The following MAPK8IP1 variants were observed in gnomAD, a reference collection of about 807,000 sequenced individuals.
MAPK8IP1 encodes mitogen-activated protein kinase 8 interacting protein 1.
In MAPK8IP1, 17 loss-of-function variants were observed where a neutral mutation model predicts 72.6. The observed-to-expected ratio is 0.23, with a 90% CI of 0.16 to 0.35. The LOEUF (loss-of-function observed/expected upper bound fraction) is 0.35. Among genes scored for constraint, MAPK8IP1 ranks in the 10% least tolerant of loss-of-function variants. The pLI is 1.00. For missense variants in MAPK8IP1, 789 were observed against 1,009.7 expected (o/e 0.78, Z 2.96); for synonymous variants, 401 against 443.4 (o/e 0.90, Z 1.20).
At position 45,903,321 on chromosome 11, in the gene MAPK8IP1, T is replaced by A; in HGVS notation, c.1418-44T>A. Reference sequence around the variant, plus strand: ...TTCTACCTGCCCCGCTAAACCTGGATCAGAGCTGCGACCCCCCATCCAGCC... The same window carrying A: ...TTCTACCTGCCCCGCTAAACCTGGAACAGAGCTGCGACCCCCCATCCAGCC... On this transcript the variant is annotated intron_variant, in intron 5 of 11. Coordinates refer to ENST00000241014, the MANE Select transcript of MAPK8IP1 (RefSeq NM_005456.4). This position sits in a 1 kb window ranked among gnomAD's most constrained non-coding sequence, Gnocchi z 6.4. 6.2e-7 allele frequency: 1 copy of A among 1,605,560 alleles called. No homozygotes were observed. The highest frequency in any genetic ancestry group is 1.1e-5 in the South Asian group (1 of 90,804).
rs2086521518 is a variant in MAPK8IP1, at chr11:45,885,765, A to AGCC, written c.-49_-47dup. On this transcript the variant is annotated 5_prime_UTR_variant, in exon 1 of 12. Coordinates refer to ENST00000241014, the MANE Select transcript of MAPK8IP1 (RefSeq NM_005456.4). ...CTCGCCGCGCCTCCGCCTCCTTCGC[A>AGCC]GCCGCCGCCTCCTCCGCGCCGCGCT... The AGCC allele has an allele frequency of 1.9e-6, 2 of 1,080,344 alleles. No homozygotes were observed. The highest frequency in any genetic ancestry group is 2.4e-6 in the Non-Finnish European group (2 of 823,410). 66.9% of individuals were successfully genotyped at this position (1,080,344 alleles called of 1,614,324 possible).
rs757386461 is a variant in MAPK8IP1 at position 45,902,906 on chromosome 11, A to C, written c.1139A>C (p.Lys380Thr). 6.2e-7 allele frequency: 1 copy of C among 1,608,534 alleles called. No homozygotes were observed. Among genetic ancestry groups the C allele is most frequent in the Non-Finnish European group, 8.5e-7 (1 of 1,178,052 alleles). Residue 380 changes from lysine to threonine, a missense_variant, in exon 5 of 12, where the codon AAG becomes ACG. Lys to Thr is a moderately conservative substitution (Grantham distance 78). Coordinates refer to ENST00000241014, the MANE Select transcript of MAPK8IP1 (RefSeq NM_005456.4). The surrounding 1 kb of genome is among the most constrained non-coding windows in gnomAD (Gnocchi z 9.3). Reference sequence around the variant, plus strand: ...AGCGCCCTGTCCTATGACTCTGTCAAGTACACGCTGGTGGTAGATGAGCAT... The same window carrying C: ...AGCGCCCTGTCCTATGACTCTGTCACGTACACGCTGGTGGTAGATGAGCAT... The part of the protein sequence containing the change: ...DTSALSYDSV[K>T]YTLVVDEHAQ...
In MAPK8IP1 at chr11:45,903,115, G is replaced by A. The variant is rs778485054; in HGVS notation, c.1348G>A (p.Asp450Asn). 9 of 1,609,678 alleles carry A rather than the reference G, an allele frequency of 5.6e-6. No homozygotes were observed. The highest frequency in any genetic ancestry group is 5.9e-6 in the Non-Finnish European group (7 of 1,178,696). The change falls in exon 5 of 12, where the codon GAT (aspartate) becomes AAT (asparagine). Residue 450 changes from aspartate to asparagine, a missense_variant. Coordinates refer to ENST00000241014, the MANE Select transcript of MAPK8IP1 (RefSeq NM_005456.4). The surrounding 1 kb of genome is among the most constrained non-coding windows in gnomAD (Gnocchi z 6.4). ...PACLSEDSTPDEPDVHFSKKF... is the reference protein window; with the variant it reads ...PACLSEDSTPNEPDVHFSKKF... ...CTGCCTCTCCGAGGACTCCACGCCT[G>A]ATGAACCCGACGTCCATTTCTCCAA...
chr11:45,899,684 C>T (rs2086634479), intron 2 of MAPK8IP1, among the ~76,000 whole-genome samples: 1 of 152,158 alleles, frequency 6.6e-6, no homozygotes, highest in Admixed American at 6.5e-5. Context: ...AGGTCTCCGC[C>T]GTTCCTTGCT....
chr11:45,896,373 T>A (rs1259824300), intron 1 of MAPK8IP1, among the ~76,000 whole-genome samples: 1 of 152,240 alleles, frequency 6.6e-6, no homozygotes, highest in Admixed American at 6.5e-5. Flanking sequence ...GAAGCCCCCC[T>A]TCATCTCCCA....
At chr11:45,892,301 G>A (rs536359900) in intron 1 of MAPK8IP1, among the ~76,000 whole-genome samples, 2 of 152,180 alleles carry the variant, frequency 1.3e-5, no homozygotes, top group Non-Finnish European at 2.9e-5. Context: ...TGGTGTAGGT[G>A]GGGACACAGG....
chr11:45,887,722 G>A (rs1236444908), intron 1 of MAPK8IP1, among the ~76,000 whole-genome samples: 1 of 152,240 alleles, frequency 6.6e-6, no homozygotes, highest in Non-Finnish European at 1.5e-5. Context: ...TGGGACAAGG[G>A]TGGCAGTAGG....
At chr11:45,887,751 G>T (rs1433429214) in intron 1 of MAPK8IP1, among the ~76,000 whole-genome samples, 1 of 152,212 alleles carries the variant, frequency 6.6e-6, no homozygotes, top group Admixed American at 6.5e-5. Context: ...CTGAGGTGTG[G>T]GCCAGCACTC....
Position 45,900,967 on chromosome 11 carries a change from A to AG in MAPK8IP1, c.522+521dup, listed in dbSNP as rs1380136795. ...GGGCAGCTGCGAATTCCCAGAAGGC[A>AG]GGGGGGAGGAATGGGAGATGGAGCT... is the stretch of plus-strand genomic sequence containing the variant. On this transcript the variant is annotated intron_variant, in intron 3 of 11. Transcript: ENST00000241014. This position sits in a 1 kb window ranked among gnomAD's most constrained non-coding sequence, Gnocchi z 6.5. Among the ~76,000 whole-genome samples, 1 of 151,970 alleles carries AG rather than the reference A, an allele frequency of 6.6e-6. No homozygotes were observed. The highest frequency in any genetic ancestry group is 1.5e-5 in the Non-Finnish European group (1 of 67,970).
At position 45,903,980 on chromosome 11, in the gene MAPK8IP1, TGG is replaced by T; in HGVS notation, c.1494-6_1494-5del. ...TGCCGAATTTCTCACCTGTCCTTGC[TGG>T]GGACAGGTTTGTGCCTCGACACGAA... is the stretch of plus-strand genomic sequence containing the variant. On this transcript the variant is annotated splice_region_variant and splice_polypyrimidine_tract_variant and intron_variant, in intron 6 of 11. Transcript: ENST00000241014. This position sits in a 1 kb window ranked among gnomAD's most constrained non-coding sequence, Gnocchi z 6.4. 1 of 1,612,642 alleles carries T rather than the reference TGG, an allele frequency of 6.2e-7. No homozygotes were observed. The highest frequency in any genetic ancestry group is 8.5e-7 in the Non-Finnish European group (1 of 1,179,816).
At chr11:45,896,567 C>A (rs2086607232) in intron 1 of MAPK8IP1, 4 of 1,248,476 alleles carry the variant, frequency 3.2e-6, no homozygotes, top group South Asian at 2.5e-5. Flanking sequence ...GTAACCTGAT[C>A]CCGTGAGGGA....
chr11:45,896,492 G>GC, intron 1 of MAPK8IP1: 1 of 1,015,976 alleles, frequency 9.8e-7, no homozygotes, highest in Non-Finnish European at 1.2e-6. Flanking sequence ...GGCCAGGGAG[G>GC]GGGGGCCACT....
At position 45,902,931 on chromosome 11, in the gene MAPK8IP1, T is replaced by C; in HGVS notation, c.1164T>C (p.His388=). 4 of 1,611,540 alleles carry C rather than the reference T, an allele frequency of 2.5e-6. No individual in the cohort carries two copies. Among genetic ancestry groups the C allele is most frequent in the Non-Finnish European group, 3.4e-6 (4 of 1,179,514 alleles). ...SVKYTLVVDE[H]AQLELVSLRP... ...AGTACACGCTGGTGGTAGATGAGCA[T>C]GCACAGCTGGAGCTGGTGAGCCTGC... Residue 388 remains histidine, a synonymous_variant, in exon 5 of 12, where the codon CAT becomes CAC. Coordinates refer to ENST00000241014, the MANE Select transcript of MAPK8IP1 (RefSeq NM_005456.4). The surrounding 1 kb of genome is among the most constrained non-coding windows in gnomAD (Gnocchi z 9.3).
rs751459395 is a variant in MAPK8IP1 at position 45,902,874 on chromosome 11, G to A, written c.1107G>A (p.Ser369=). 1.0e-4 allele frequency: 162 copies of A among 1,596,734 alleles called. No homozygotes were observed. In the Middle Eastern group the frequency reaches 1.0e-3, roughly 10 times the overall value. The part of the protein sequence containing the change: ...PPPPPRASLS[S]DTSALSYDSV... ...CACCTCCACGGGCCTCTCTGAGCTC[G>A]GACACCAGCGCCCTGTCCTATGACT... Residue 369 remains serine, a synonymous_variant, in exon 5 of 12, where the codon TCG becomes TCA. Coordinates refer to ENST00000241014, the MANE Select transcript of MAPK8IP1 (RefSeq NM_005456.4). The surrounding 1 kb of genome is among the most constrained non-coding windows in gnomAD (Gnocchi z 9.3).
intron 1 of MAPK8IP1, 109 bp from the exon 2 acceptor site, chr11:45,897,976 T>C (rs918506395): frequency 2.8e-6 from 2 of 712,284 alleles, no homozygotes; most frequent in African/African-American, 1.8e-5. Context: ...TCCTGTCCTC[T>C]GGGGGCTGTG....
In MAPK8IP1 at chr11:45,900,234, G is replaced by T. The variant is rs2086640240; in HGVS notation, c.304G>T (p.Asp102Tyr). ...GATGGACCTGATCGACGCGACGGGG[G>T]ACACTCCCGGGGCCGAGGACGACGA... The part of the protein sequence containing the change: ...LQMDLIDATG[D>Y]TPGAEDDEED... The change falls in exon 3 of 12, where the codon GAC (aspartate) becomes TAC (tyrosine). Residue 102 changes from aspartate to tyrosine, a missense_variant. Coordinates refer to ENST00000241014, the MANE Select transcript of MAPK8IP1 (RefSeq NM_005456.4). This position sits in a 1 kb window ranked among gnomAD's most constrained non-coding sequence, Gnocchi z 6.5. 3 of 1,332,614 alleles carry T rather than the reference G, an allele frequency of 2.3e-6. No individual in the cohort carries two copies. Among genetic ancestry groups the T allele is most frequent in the Admixed American group, 8.4e-5 (2 of 23,898 alleles). 82.5% of individuals were successfully genotyped at this position (1,332,614 alleles called of 1,614,324 possible).
rs1329529753 is a variant in MAPK8IP1, at chr11:45,903,294, G to T, written c.1418-71G>T. On this transcript the variant is annotated intron_variant, in intron 5 of 11. Transcript: ENST00000241014. The surrounding 1 kb of genome is among the most constrained non-coding windows in gnomAD (Gnocchi z 6.4). Reference sequence around the variant, plus strand: ...CAGGCCCCATCTGGTTAGGACTGAGGCTTCTACCTGCCCCGCTAAACCTGG... The same window carrying T: ...CAGGCCCCATCTGGTTAGGACTGAGTCTTCTACCTGCCCCGCTAAACCTGG... 2 of 1,588,206 alleles carry T rather than the reference G, an allele frequency of 1.3e-6. No individual in the cohort carries two copies. The highest frequency in any genetic ancestry group is 1.7e-6 in the Non-Finnish European group (2 of 1,160,544).
chr11:45,905,319 C>A, intron 11 of MAPK8IP1, 70 bp downstream of exon 11: 1 of 1,394,526 alleles, frequency 7.2e-7, no homozygotes, highest in Non-Finnish European at 1.0e-6. Context: ...GGGCTGCTTC[C>A]TGGCGCTCAG....
Position 45,905,262 on chromosome 11 carries a change from C to A in MAPK8IP1, c.2063+13C>A, listed in dbSNP as rs761135926. On this transcript the variant is annotated intron_variant, in intron 11 of 11. Coordinates refer to ENST00000241014, the MANE Select transcript of MAPK8IP1 (RefSeq NM_005456.4). ...CAGAGTCCGTGGGGTACGTGTACAC[C>A]CTGCTGAGCACCCAGCCCGAGGGAG... The A allele has an allele frequency of 5.0e-6, 8 of 1,608,602 alleles. No homozygotes were observed. In the African/African-American group the frequency reaches 8.0e-5, roughly 16 times the overall value.
Sources: gnomAD v4.1 joint callset for allele counts (sites outside exome capture counted in the v4.1 genomes callset) on GRCh38, gnomAD v4.1.1 for gene constraint, Gnocchi (gnomAD v3.1) non-coding constraint, MANE v1.5 for transcripts, NCBI Gene and HGNC (gene_info 2026-07-23, HGNC 2026-07-21) for gene names.